WASHC3: variants seen among roughly 807,000 people sequenced by gnomAD.
The protein encoded by WASHC3 is WASH complex subunit CCDC53.
A neutral mutation model predicts 26.1 loss-of-function variants in WASHC3; 24 were observed. The observed-to-expected ratio is 0.92, with a 90% CI of 0.66 to 1.29. The LOEUF (loss-of-function observed/expected upper bound fraction) is 1.29, where lower values mean the gene tolerates loss of function less well. Among genes scored for constraint, WASHC3 ranks in the 50% most tolerant of loss-of-function variants. The pLI, the probability that WASHC3 is intolerant of heterozygous loss-of-function variation, is 0.00. For synonymous variants in WASHC3, 77 were observed against 75.7 expected (o/e 1.02, Z -0.09); for missense variants, 214 against 229.6 (o/e 0.93, Z 0.44).
At chr12:102,043,406 C>A (rs1878021060) in intron 4 of WASHC3, among the ~76,000 whole-genome samples, 1 of 151,864 alleles carries the variant, frequency 6.6e-6, no homozygotes, top group African/African-American at 2.4e-5. Context: ...AGTAGTGAGA[C>A]CACAGGTGCG....
intron 2 of WASHC3, among the ~76,000 whole-genome samples, chr12:102,053,718 A>G (rs997818100): frequency 6.6e-6 from 1 of 152,244 alleles, no homozygotes; most frequent in African/African-American, 2.4e-5. Context: ...AAAATGAGAA[A>G]TGTAACAGAA....
chr12:102,034,646 A>G (rs1877575537), intron 5 of WASHC3, among the ~76,000 whole-genome samples: 1 of 152,170 alleles, frequency 6.6e-6, no homozygotes, highest in African/African-American at 2.4e-5. Context: ...AAAAGATTAA[A>G]ACATCCTCAG....
intron 2 of WASHC3, among the ~76,000 whole-genome samples, chr12:102,055,340 T>C (rs1878551197): frequency 6.6e-6 from 1 of 152,176 alleles, no homozygotes; most frequent in Admixed American, 6.5e-5. Flanking sequence ...GAAGCTTTTC[T>C]TTTTTCTTTT....
intron 6 of WASHC3, 123 bp from the exon 7 acceptor site, chr12:102,013,315 G>T (rs1304566018): frequency 1.6e-6 from 1 of 615,952 alleles, no homozygotes; most frequent in Non-Finnish European, 2.9e-6. Context: ...CGTGTCCTCA[G>T]TCTCCTGCTC....
At chr12:102,024,677 A>G (rs1213422286) in intron 6 of WASHC3, among the ~76,000 whole-genome samples, 4 of 152,216 alleles carry the variant, frequency 2.6e-5, no homozygotes, top group African/African-American at 9.6e-5. Flanking sequence ...TTTTCTCTAG[A>G]AAAAGATAAT....
rs1397646075 is a variant in WASHC3, at chr12:102,046,060, A to C, written c.210T>G (p.Asp70Glu). 9 of 1,580,180 alleles carry C rather than the reference A, an allele frequency of 5.7e-6. No homozygotes were observed. Among genetic ancestry groups the C allele is most frequent in the Non-Finnish European group, 6.9e-6 (8 of 1,155,372 alleles). Residue 70 changes from aspartate (D) to glutamate (E), a missense_variant, in exon 3 of 7, where the codon GAT becomes GAG. Physicochemically the swap from Asp to Glu is conservative, Grantham distance 45. Coordinates refer to ENST00000240079, the MANE Select transcript of WASHC3 (RefSeq NM_016053.4). The stretch of plus-strand genomic sequence containing the variant: ...ATTATTGAGAAATACCAACCTTTGC[A>C]TCTAAAATATTGAGAGTTGTTTCAA... ...QQIETTLNILDAKLSSIPGLD... is the reference protein window; with the variant it reads ...QQIETTLNILEAKLSSIPGLD...
intron 2 of WASHC3, among the ~76,000 whole-genome samples, chr12:102,054,836 G>A (rs1003925779): frequency 1.1e-4 from 16 of 151,934 alleles, no homozygotes; most frequent in African/African-American, 1.4e-4. Flanking sequence ...AATTAAAAAC[G>A]AAATTAAAAG....
chr12:102,033,364 C>A (rs2121377935), intron 5 of WASHC3, among the ~76,000 whole-genome samples: 2 of 152,124 alleles, frequency 1.3e-5, no homozygotes, highest in Non-Finnish European at 2.9e-5. Context: ...TATCCTATTA[C>A]AGAAGACAAA....
chr12:102,026,128 T>A (rs1877178630), intron 5 of WASHC3, 90 bp from the exon 6 acceptor site: 1 of 678,774 alleles, frequency 1.5e-6, no homozygotes, highest in African/African-American at 1.8e-5. Flanking sequence ...TTCAGATGCC[T>A]CATTATTTAA....
intron 2 of WASHC3, among the ~76,000 whole-genome samples, chr12:102,056,094 T>G (rs916558236): frequency 1.3e-5 from 2 of 152,238 alleles, no homozygotes; most frequent in Non-Finnish European, 2.9e-5. Context: ...TTGCTTTAAC[T>G]TACAAAGGTC....
At chr12:102,039,605 T>C (rs1408877443) in intron 5 of WASHC3, among the ~76,000 whole-genome samples, 1 of 152,156 alleles carries the variant, frequency 6.6e-6, no homozygotes, top group Non-Finnish European at 1.5e-5. Context: ...AAGATTTGCA[T>C]TGATAACTTT....
At chr12:102,016,647 C>G (rs1876718294) in intron 6 of WASHC3, among the ~76,000 whole-genome samples, 1 of 152,058 alleles carries the variant, frequency 6.6e-6, no homozygotes, top group South Asian at 2.1e-4. Context: ...CTGTTATTGC[C>G]CCTGAAGACC....
intron 6 of WASHC3, among the ~76,000 whole-genome samples, chr12:102,014,253 A>G (rs1029731199): frequency 2.0e-5 from 3 of 151,772 alleles, no homozygotes; most frequent in Admixed American, 6.6e-5. Context: ...TTGTATTTTC[A>G]GTAGAGACGG....
chr12:102,014,367 C>T (rs181282349), intron 6 of WASHC3, among the ~76,000 whole-genome samples: 6 of 151,964 alleles, frequency 3.9e-5, no homozygotes, highest in Non-Finnish European at 8.8e-5. Context: ...CCGTGCCTGG[C>T]CTATAACTGC....
At chr12:102,016,813 G>C (rs1298201836) in intron 6 of WASHC3, among the ~76,000 whole-genome samples, 1 of 152,134 alleles carries the variant, frequency 6.6e-6, no homozygotes, top group African/African-American at 2.4e-5. Context: ...TTGTATAGCT[G>C]TAAAATTTAT....
chr12:102,050,200 G>C, intron 2 of WASHC3: 1 of 391,892 alleles, frequency 2.6e-6, no homozygotes, highest in Non-Finnish European at 5.0e-6. Context: ...TGTAGTTCCA[G>C]CTACTTGGGG....
chr12:102,025,964 A>G lies in WASHC3; in HGVS notation c.500+10T>C, dbSNP rs1450427832. On this transcript the variant is annotated intron_variant, in intron 6 of 6. Transcript: ENST00000240079. ...GGCAATAATATCATTATATTAGAAG[A>G]ATTACTTACTCAAGAAGATCTGGGT... 1 of 1,339,898 alleles carries G rather than the reference A, an allele frequency of 7.5e-7. No individual in the cohort carries two copies. The highest frequency in any genetic ancestry group is 1.0e-6 in the Non-Finnish European group (1 of 958,188). The allele number at this position is 1,339,898 out of a possible 1,614,324, so 83.0% of individuals were successfully genotyped here.
chr12:102,020,423 G>A (rs897536536), intron 6 of WASHC3, among the ~76,000 whole-genome samples: 7 of 152,078 alleles, frequency 4.6e-5, no homozygotes, highest in Admixed American at 6.5e-5. Flanking sequence ...GTTGGTTTCT[G>A]CCATCCTAAA....
chr12:102,045,914 T>C, intron 3 of WASHC3, 140 bp downstream of exon 3: 1 of 567,214 alleles, frequency 1.8e-6, no homozygotes, highest in Non-Finnish European at 3.2e-6. Flanking sequence ...TGCAGTAAAA[T>C]TAAAAACACA....
Sources: allele counts gnomAD v4.1 joint callset (sites outside exome capture counted in the v4.1 genomes callset), GRCh38; gene constraint gnomAD v4.1.1; transcripts MANE v1.5; gene names NCBI Gene and HGNC (gene_info 2026-07-23, HGNC 2026-07-21).